Variants in TEX9 observed in about 807,000 individuals in gnomAD.
TEX9 encodes testis expressed 9.
A neutral mutation model predicts 59.6 loss-of-function variants in TEX9; 74 were observed. The observed-to-expected ratio is 1.24, with a 90% CI of 1.03 to 1.51. TEX9 has a LOEUF of 1.51. TEX9 is among the 40% of genes most tolerant of loss of function. The pLI, the probability that TEX9 is intolerant of heterozygous loss-of-function variation, is 0.00. For missense variants in TEX9, 522 were observed against 447.8 expected (o/e 1.17, Z -1.49); for synonymous variants, 186 against 152.2 (o/e 1.22, Z -1.64).
chr15:56,398,087 AG>A (rs1194566387), intron 9 of TEX9: 3 of 152,238 alleles, frequency 2.0e-5, no homozygotes, highest in Non-Finnish European at 4.4e-5. Context: ...TAGTAATAAA[AG>A]TTAATTATAG....
At chr15:56,295,711 C>T (rs2045202216) in intron 1 of TEX9, among the ~76,000 whole-genome samples, 2 of 152,168 alleles carry the variant, frequency 1.3e-5, no homozygotes, top group African/African-American at 2.4e-5. Context: ...TAGGGAGAGT[C>T]CTGGCTTCTC....
At position 56,268,419 on chromosome 15, in the gene TEX9, G is replaced by T. The variant is rs368263776; in HGVS notation, c.-107+24141G>T. 2.0e-5 allele frequency among the ~76,000 whole-genome samples: 3 copies of T among 152,290 alleles called. 1 individual carries two copies. The highest frequency in any genetic ancestry group is 6.5e-5 in the Admixed American group (1 of 15,294). ...TCTTGTGCCAGTTTTCAAAGGGAAT[G>T]CTTCCAGTTTTTGCCCATTCAGTAT... On this transcript the variant is annotated intron_variant, in intron 1 of 5. Transcript: ENST00000560827.
chr15:56,321,541 G>T (rs1368905291), intron 1 of TEX9, among the ~76,000 whole-genome samples: 8 of 152,168 alleles, frequency 5.3e-5, no homozygotes, highest in Non-Finnish European at 1.0e-4. Context: ...TATATGAAAA[G>T]GTAATTTATG....
At chr15:56,422,163 A>G (rs1385467199) in intron 10 of TEX9, among the ~76,000 whole-genome samples, 1 of 150,310 alleles carries the variant, frequency 6.7e-6, no homozygotes, top group Non-Finnish European at 1.5e-5. Flanking sequence ...TGACGAGTTA[A>G]TGGGTGCAGC....
At chr15:56,281,473 A>C (rs2044818608) in intron 1 of TEX9, among the ~76,000 whole-genome samples, 1 of 152,222 alleles carries the variant, frequency 6.6e-6, no homozygotes, top group Non-Finnish European at 1.5e-5. Context: ...CGAGGGATCT[A>C]GGTTGTGCGC....
At chr15:56,342,898 C>G (rs1282660664) in intron 1 of TEX9, among the ~76,000 whole-genome samples, 1 of 152,032 alleles carries the variant, frequency 6.6e-6, no homozygotes, top group Non-Finnish European at 1.5e-5. Flanking sequence ...CATTGTTAGC[C>G]AGATGAGAAA....
At chr15:56,377,605 T>C (rs1712700935) in intron 3 of TEX9, among the ~76,000 whole-genome samples, 1 of 152,216 alleles carries the variant, frequency 6.6e-6, no homozygotes, top group African/African-American at 2.4e-5. Flanking sequence ...CCTGCAACTT[T>C]ACTGAGTTTA....
chr15:56,257,515 G>T (rs1320575787), intron 1 of TEX9, among the ~76,000 whole-genome samples: 1 of 152,008 alleles, frequency 6.6e-6, no homozygotes, highest in Non-Finnish European at 1.5e-5. Context: ...ATCTCATTGT[G>T]GTTTTGATTT....
intron 1 of TEX9, among the ~76,000 whole-genome samples, chr15:56,317,279 C>A (rs184687472): frequency 2.0e-5 from 3 of 152,328 alleles, no homozygotes; most frequent in African/African-American, 7.2e-5. Context: ...GTTTGTCTTT[C>A]TAGGAATATA....
At chr15:56,267,055 T>C (rs1324929995) in intron 1 of TEX9, among the ~76,000 whole-genome samples, 3 of 152,224 alleles carry the variant, frequency 2.0e-5, no homozygotes, top group Non-Finnish European at 2.9e-5. Flanking sequence ...GTGGTTTTGA[T>C]TTGCATTTCT....
intron 1 of TEX9, among the ~76,000 whole-genome samples, chr15:56,345,030 T>A (rs2046441871): frequency 7.9e-6 from 1 of 127,012 alleles, no homozygotes. Flanking sequence ...TATCTATCTA[T>A]CTATCTGGAT....
intron 12 of TEX9, among the ~76,000 whole-genome samples, chr15:56,436,988 G>A (rs1324399731): frequency 6.6e-6 from 1 of 152,098 alleles, no homozygotes; most frequent in Non-Finnish European, 1.5e-5. Flanking sequence ...AAAAGTCCAG[G>A]ACCAGATGGA....
chr15:56,384,967 TG>T (rs138092468), intron 4 of TEX9, among the ~76,000 whole-genome samples: 3,988 of 152,328 alleles, frequency 0.026, 171 homozygotes, highest in African/African-American at 0.091. Context: ...ATGATTTCTT[TG>T]AAGAGCTTTA....
intron 2 of TEX9, among the ~76,000 whole-genome samples, chr15:56,367,616 C>A (rs1277334486): frequency 2.6e-5 from 4 of 152,102 alleles, no homozygotes; most frequent in African/African-American, 9.7e-5. Flanking sequence ...CCTCATAAAT[C>A]GCAATTACAT....
intron 1 of TEX9, among the ~76,000 whole-genome samples, chr15:56,322,212 G>A (rs1397384424): frequency 1.3e-5 from 2 of 152,102 alleles, no homozygotes; most frequent in African/African-American, 2.4e-5. Flanking sequence ...ATAGAGAGGA[G>A]TAGGGAAGAA....
intron 9 of TEX9, among the ~76,000 whole-genome samples, chr15:56,407,264 T>A (rs1261855777): frequency 1.3e-5 from 2 of 152,164 alleles, no homozygotes; most frequent in Non-Finnish European, 2.9e-5. Flanking sequence ...TATGTATGGG[T>A]CTTCTTTGAA....
intron 1 of TEX9, chr15:56,248,930 C>T (rs769865520): frequency 2.0e-5 from 3 of 152,166 alleles, no homozygotes; most frequent in Non-Finnish European, 4.4e-5. Context: ...TTCACAAGGT[C>T]GATCATTCCT....
chr15:56,332,810 A>T (rs923257848), intron 1 of TEX9, among the ~76,000 whole-genome samples: 3 of 152,176 alleles, frequency 2.0e-5, no homozygotes, highest in Non-Finnish European at 4.4e-5. Flanking sequence ...AGATCTAAAT[A>T]AATAAAATCA....
chr15:56,251,717 A>G (rs2044023733), intron 1 of TEX9, among the ~76,000 whole-genome samples: 1 of 152,158 alleles, frequency 6.6e-6, no homozygotes, highest in Admixed American at 6.5e-5. Context: ...TAGTGTTGAT[A>G]GGAGCAGTAG....
Sources: gnomAD v4.1 joint callset for allele counts (sites outside exome capture counted in the v4.1 genomes callset) on GRCh38, gnomAD v4.1.1 for gene constraint, MANE v1.5 for transcripts, NCBI Gene and HGNC (gene_info 2026-07-23, HGNC 2026-07-21) for gene names.